The following HYCC1 variants were observed in gnomAD, a reference collection of about 807,000 sequenced individuals.
The protein encoded by HYCC1 is hyccin.
chr7:22,978,772 T>TC, the HYCC1 span, among the ~76,000 whole-genome samples: 4 of 152,108 alleles, frequency 2.6e-5, no homozygotes, highest in Non-Finnish European at 5.9e-5. Context: ...AACTACAGAC[T>TC]CCCCTGGATC....
the HYCC1 span, chr7:22,938,339 T>C: frequency 7.9e-5 from 12 of 152,306 alleles, no homozygotes; most frequent in African/African-American, 2.9e-4. Flanking sequence ...CTATCAACTT[T>C]GCTAATCCCA....
the HYCC1 span, among the ~76,000 whole-genome samples, chr7:22,906,943 G>A: frequency 1.7e-4 from 26 of 151,142 alleles, no homozygotes; most frequent in Non-Finnish European, 3.3e-4. Context: ...TTGGAAGGTG[G>A]GAATACAAAA....
chr7:22,953,531 T>A, the HYCC1 span, among the ~76,000 whole-genome samples: 17 of 151,982 alleles, frequency 1.1e-4, no homozygotes, highest in African/African-American at 3.9e-4. Flanking sequence ...TGAGATTTTT[T>A]GTTTTCCTCA....
At chr7:22,926,561 C>G in the HYCC1 span, among the ~76,000 whole-genome samples, 5 of 152,004 alleles carry the variant, frequency 3.3e-5, no homozygotes. Flanking sequence ...GACTTTAAAC[C>G]AACAAAGATC....
At chr7:22,922,187 A>G in the HYCC1 span, among the ~76,000 whole-genome samples, 1 of 150,920 alleles carries the variant, frequency 6.6e-6, no homozygotes, top group African/African-American at 2.4e-5. Context: ...TTTATGATTA[A>G]TAATATTTAT....
chr7:22,923,216 C>T, the HYCC1 span, among the ~76,000 whole-genome samples: 1 of 152,088 alleles, frequency 6.6e-6, no homozygotes, highest in South Asian at 2.1e-4. Flanking sequence ...AGTATGCTCT[C>T]CAACCATAGG....
the HYCC1 span, among the ~76,000 whole-genome samples, chr7:23,004,232 A>G: frequency 1.3e-5 from 2 of 152,274 alleles, no homozygotes; most frequent in African/African-American, 2.4e-5. Context: ...TGAAAGTCCT[A>G]TAAGATTGTT....
the HYCC1 span, chr7:22,936,724 C>T: frequency 6.6e-6 from 1 of 152,084 alleles, no homozygotes; most frequent in African/African-American, 2.4e-5. Flanking sequence ...AGAAATACTG[C>T]TCATATTTAT....
At chr7:23,013,663 G>C in the HYCC1 span, among the ~76,000 whole-genome samples, 1 of 145,026 alleles carries the variant, frequency 6.9e-6, no homozygotes, top group African/African-American at 2.6e-5. Context: ...CCAGGCAGCG[G>C]GCAGGCTGCG....
chr7:22,921,768 A>G, the HYCC1 span, among the ~76,000 whole-genome samples: 1 of 152,206 alleles, frequency 6.6e-6, no homozygotes, highest in African/African-American at 2.4e-5. Flanking sequence ...CTGCATATAC[A>G]AAAAGTCAGC....
the HYCC1 span, among the ~76,000 whole-genome samples, chr7:22,897,648 C>T: frequency 1.3e-5 from 2 of 152,136 alleles, no homozygotes; most frequent in Non-Finnish European, 2.9e-5. Context: ...TGTTTTGAGG[C>T]AAGGTCTTGC....
the HYCC1 span, chr7:22,964,328 G>A: frequency 1.3e-6 from 1 of 799,154 alleles, no homozygotes; most frequent in South Asian, 1.4e-5. Context: ...CTTATCTATT[G>A]ACATTATAAT....
chr7:22,897,007 T>C, the HYCC1 span, among the ~76,000 whole-genome samples: 1 of 151,796 alleles, frequency 6.6e-6, no homozygotes, highest in Admixed American at 6.6e-5. Flanking sequence ...AGGTCAGCGG[T>C]TGGGGTGGGG....
At chr7:22,989,797 G>T in the HYCC1 span, among the ~76,000 whole-genome samples, 1 of 152,136 alleles carries the variant, frequency 6.6e-6, no homozygotes, top group Non-Finnish European at 1.5e-5. Context: ...TATTCATCAG[G>T]ATTAGATAAA....
chr7:22,934,369 CT>C, the HYCC1 span: 1 of 152,148 alleles, frequency 6.6e-6, no homozygotes, highest in East Asian at 1.9e-4. Flanking sequence ...AGGCCCTGTT[CT>C]TTTTGTTTCT....
At chr7:22,984,046 C>G in the HYCC1 span, 1 of 1,534,942 alleles carries the variant, frequency 6.5e-7, no homozygotes, top group Non-Finnish European at 9.0e-7. Flanking sequence ...CTGGTAATGT[C>G]TAAACAAATT....
chr7:22,993,375 C>G, the HYCC1 span, among the ~76,000 whole-genome samples: 1 of 152,056 alleles, frequency 6.6e-6, no homozygotes, highest in Non-Finnish European at 1.5e-5. Context: ...GCACTAATCA[C>G]AAGGAGGGGA....
At chr7:22,913,401 C>G in the HYCC1 span, among the ~76,000 whole-genome samples, 2 of 152,172 alleles carry the variant, frequency 1.3e-5, no homozygotes, top group African/African-American at 2.4e-5. Context: ...CACTGTCATC[C>G]GACTTCACTG....
the HYCC1 span, among the ~76,000 whole-genome samples, chr7:22,923,081 G>A: frequency 6.6e-6 from 1 of 152,134 alleles, no homozygotes; most frequent in Admixed American, 6.5e-5. Context: ...CACATTGGTA[G>A]AACACTTCAC....
Sources: allele counts gnomAD v4.1 joint callset (sites outside exome capture counted in the v4.1 genomes callset), GRCh38; gene constraint gnomAD v4.1.1; transcripts MANE v1.5; gene names NCBI Gene and HGNC (gene_info 2026-07-23, HGNC 2026-07-21).